The following WHRN variants were observed in gnomAD, a reference collection of about 807,000 sequenced individuals.
WHRN encodes CASK-interacting protein CIP98.
WHRN carries 41 observed loss-of-function variants against 68.3 expected under a neutral mutation model. The ratio of observed to expected loss-of-function variants is 0.60; its 90% CI spans 0.47 to 0.78. WHRN has a LOEUF of 0.78. Among genes scored for constraint, WHRN ranks in the 30% least tolerant of loss-of-function variants. The pLI is 0.00. For missense variants in WHRN, 1,243 were observed against 1,244.7 expected, an observed-to-expected ratio of 1.00 and a Z score of 0.02; for synonymous variants, 560 against 561.3, an observed-to-expected ratio of 1.00 and a Z score of 0.03.
intron 3 of WHRN, among the ~76,000 whole-genome samples, chr9:114,436,653 A>AC (rs1338426222): frequency 1.3e-5 from 2 of 152,112 alleles, no homozygotes; most frequent in Non-Finnish European, 2.9e-5. Context: ...ACATGGTGAA[A>AC]CCCCGTCTCT....
In WHRN at chr9:114,414,950, G is replaced by A. The variant is rs538606819; in HGVS notation, c.1627-6932C>T. Among the ~76,000 whole-genome samples the A allele has an allele frequency of 7.4e-4, 113 of 152,246 alleles. 1 individual carries two copies. Among genetic ancestry groups the A allele is most frequent in the Non-Finnish European group, 1.3e-3 (89 of 68,008 alleles). On this transcript the variant is annotated intron_variant, in intron 7 of 11. Coordinates refer to ENST00000362057, the MANE Select transcript of WHRN (RefSeq NM_015404.4). The stretch of plus-strand genomic sequence containing the variant: ...GAACAACAGCCTCTCCTGGTCACCC[G>A]CATCCACCTTGCACCTCTGGGCTCT...
intron 1 of WHRN, among the ~76,000 whole-genome samples, chr9:114,483,244 G>A (rs761916645): frequency 2.6e-5 from 4 of 151,968 alleles, no homozygotes; most frequent in South Asian, 2.1e-4. Context: ...CAATATCTAC[G>A]CAGGCTCTTG....
At chr9:114,487,067 G>C (rs543791683) in intron 1 of WHRN, among the ~76,000 whole-genome samples, 1 of 139,552 alleles carries the variant, frequency 7.2e-6, no homozygotes, top group Admixed American at 7.1e-5. Context: ...AAAAAAAAGA[G>C]AGCGAGAGTG....
intron 2 of WHRN, among the ~76,000 whole-genome samples, chr9:114,476,100 G>T (rs1172892037): frequency 6.6e-6 from 1 of 152,084 alleles, no homozygotes; most frequent in African/African-American, 2.4e-5. Context: ...AAGCAGCTGG[G>T]ACCACAGACA....
intron 3 of WHRN, among the ~76,000 whole-genome samples, chr9:114,440,765 G>A (rs930507236): frequency 9.2e-5 from 14 of 152,168 alleles, no homozygotes; most frequent in South Asian, 2.1e-4. Context: ...TTAAAACGCC[G>A]TGTGCCGCTC....
In WHRN at chr9:114,482,061, A is replaced by G. The variant is rs569401969; in HGVS notation, c.619-3290T>C. Among the ~76,000 whole-genome samples the G allele has an allele frequency of 2.6e-5, 4 of 152,162 alleles. 1 individual carries two copies. The South Asian group carries it at 8.3e-4, about 32-fold the overall frequency. On this transcript the variant is annotated intron_variant, in intron 1 of 11. Transcript: ENST00000362057. ...GATATAGCATTGTCCTGCGCACAGT[A>G]GGTATTTGTGAAACTTGTGCATAGT...
intron 7 of WHRN, among the ~76,000 whole-genome samples, chr9:114,410,742 C>A (rs1252300484): frequency 6.6e-6 from 1 of 152,240 alleles, no homozygotes; most frequent in African/African-American, 2.4e-5. Flanking sequence ...TACATGCAAA[C>A]CTTGGTCCTG....
intron 3 of WHRN, among the ~76,000 whole-genome samples, chr9:114,436,984 C>T (rs1465934973): frequency 2.0e-5 from 3 of 151,864 alleles, no homozygotes; most frequent in African/African-American, 4.8e-5. Context: ...CTATGAGAAA[C>T]CCTGATACAG....
At chr9:114,428,596 G>A (rs1837102234) in intron 3 of WHRN, among the ~76,000 whole-genome samples, 2 of 152,194 alleles carry the variant, frequency 1.3e-5, no homozygotes, top group Admixed American at 6.5e-5. Context: ...ATCCAGGTCA[G>A]GCCAGCACCA....
In WHRN at chr9:114,504,729, C is replaced by A. The variant is rs774198237; in HGVS notation, c.73G>T (p.Gly25Cys). 213 of 1,507,488 alleles carry A rather than the reference C, an allele frequency of 1.4e-4. No individual in the cohort carries two copies. Among genetic ancestry groups the A allele is most frequent in the Non-Finnish European group, 1.8e-4 (207 of 1,137,582 alleles). 93.4% of individuals were successfully genotyped at this position (1,507,488 alleles called of 1,614,324 possible). A position where few individuals can be genotyped will look rare whatever the true frequency, so the allele number is the denominator to read the frequency against. Residue 25 changes from glycine (G) to cysteine (C), a missense_variant, in exon 1 of 12, where the codon GGC becomes TGC. By Grantham distance (159) the Gly-to-Cys change is radical. Transcript: ENST00000362057. ...CGCAGCCCCGCGCCCCCGCCGCCGC[C>A]CGCCCCGGCCGCCGAGCCCAGCGAG... ...TGSLGSAAGA[G>C]GGGGAGLRLL...
At chr9:114,418,159 G>A (rs542505622) in intron 7 of WHRN, among the ~76,000 whole-genome samples, 16 of 152,288 alleles carry the variant, frequency 1.1e-4, no homozygotes, top group Admixed American at 2.6e-4. Context: ...AGTCCCCACC[G>A]GCAGGAAGGG....
At chr9:114,500,541 A>G (rs1360579248) in intron 1 of WHRN, among the ~76,000 whole-genome samples, 1 of 152,234 alleles carries the variant, frequency 6.6e-6, no homozygotes, top group East Asian at 1.9e-4. Context: ...AACTTCTGGA[A>G]TATTTCAATT....
chr9:114,408,512 C>T (rs753975046), intron 7 of WHRN, among the ~76,000 whole-genome samples: 1 of 152,236 alleles, frequency 6.6e-6, no homozygotes, highest in Non-Finnish European at 1.5e-5. Flanking sequence ...CAAAAAACGT[C>T]TATTTCTTTC....
In WHRN at chr9:114,452,153, T is replaced by G. The variant is rs192040537; in HGVS notation, c.963+14114A>C. On this transcript the variant is annotated intron_variant, in intron 3 of 11. Coordinates refer to ENST00000362057, the MANE Select transcript of WHRN (RefSeq NM_015404.4). ...AAAATTAAAATTAAAAAATGTATCA[T>G]TACTGTTTCCTGTTATCACCACTAC... Among the ~76,000 whole-genome samples the G allele has an allele frequency of 3.3e-5, 5 of 152,378 alleles. No individual in the cohort carries two copies. In the East Asian group the frequency reaches 9.6e-4, roughly 29 times the overall value.
chr9:114,402,646 AC>A lies in WHRN; in HGVS notation c.*107del. On this transcript the variant is annotated 3_prime_UTR_variant, in exon 12 of 12. Transcript: ENST00000362057. ...GATGGAGGGGGGATGTCTTCCTGCC[AC>A]CCTGGCCATGCAGCCCCAACCCCGC... The A allele has an allele frequency of 7.1e-7, 1 of 1,408,202 alleles. No individual in the cohort carries two copies. The allele number at this position is 1,408,202 out of a possible 1,614,324, so 87.2% of individuals were successfully genotyped here. A position where few individuals can be genotyped will look rare whatever the true frequency, so the allele number is the denominator to read the frequency against.
chr9:114,478,211 C>T (rs536200169), intron 2 of WHRN: 1 of 626,528 alleles, frequency 1.6e-6, no homozygotes, highest in Non-Finnish European at 2.9e-6. Context: ...TTGCTTGAAC[C>T]CTGGAGGCAG....
intron 3 of WHRN, among the ~76,000 whole-genome samples, chr9:114,442,326 T>C (rs1470880631): frequency 6.6e-6 from 1 of 152,210 alleles, no homozygotes; most frequent in Non-Finnish European, 1.5e-5. Context: ...ATGTCCTGAT[T>C]GTGACCATTG....
rs74879167 is a variant in WHRN at position 114,466,704 on chromosome 9, C to A, written c.838-312G>T. 3.0e-3 allele frequency among the ~76,000 whole-genome samples: 463 copies of A among 152,270 alleles called. 4 individuals are homozygous for A. The highest frequency in any genetic ancestry group is 0.011 in the African/African-American group (439 of 41,536). Reference sequence around the variant, plus strand: ...GCCAACACCCGGGACTACTCAGACACTTTGCTCATGCTCTTCACGCCACAG... The same window carrying A: ...GCCAACACCCGGGACTACTCAGACAATTTGCTCATGCTCTTCACGCCACAG... On this transcript the variant is annotated intron_variant, in intron 2 of 11. Transcript: ENST00000362057.
Position 114,424,971 on chromosome 9 carries a change from C to T in WHRN, c.1203+17G>A. On this transcript the variant is annotated intron_variant, in intron 5 of 11. Transcript: ENST00000362057. ...AGCTGTGAGGAAGCAGAGAATACCC[C>T]TTAGAGGATGTCCTACCTTGTTTAT... 1.2e-6 allele frequency: 2 copies of T among 1,613,886 alleles called. No homozygotes were observed. The highest frequency in any genetic ancestry group is 2.2e-5 in the South Asian group (2 of 91,082).
Sources: gnomAD v4.1 joint callset for allele counts (sites outside exome capture counted in the v4.1 genomes callset) on GRCh38, gnomAD v4.1.1 for gene constraint, MANE v1.5 for transcripts, NCBI Gene and HGNC (gene_info 2026-07-23, HGNC 2026-07-21) for gene names.